The following CSMD1 variants were observed in gnomAD, a reference collection of about 807,000 sequenced individuals.
CSMD1 encodes the protein CUB and Sushi multiple domains 1, also known as CUB and sushi domain-containing protein 1.
Under a neutral mutation model 417.5 loss-of-function variants are expected in CSMD1, and 213 were observed. The observed-to-expected ratio is 0.51, with a 90% CI of 0.46 to 0.57. The LOEUF (loss-of-function observed/expected upper bound fraction) is 0.57. Among genes scored for constraint, CSMD1 ranks in the 20% least tolerant of loss-of-function variants. The pLI is 0.00. For missense variants in CSMD1, 6,923 were observed against 4,529.7 expected, an observed-to-expected ratio of 1.53 and a Z score of -15.17; for synonymous variants, 2,862 against 1,736.8, an observed-to-expected ratio of 1.65 and a Z score of -16.11.
chr8:4,202,538 T>G (rs542691098), intron 3 of CSMD1, among the ~76,000 whole-genome samples: 1 of 152,210 alleles, frequency 6.6e-6, no homozygotes, highest in African/African-American at 2.4e-5. Context: ...AAACTCTATT[T>G]GTCAGGACAT....
intron 1 of CSMD1, among the ~76,000 whole-genome samples, chr8:4,725,540 C>T (rs977944192): frequency 6.6e-6 from 1 of 152,118 alleles, no homozygotes; most frequent in Non-Finnish European, 1.5e-5. Context: ...GAACTCCATT[C>T]CAGGATATTT....
intron 12 of CSMD1, among the ~76,000 whole-genome samples, chr8:3,449,072 G>T (rs1585180645): frequency 6.6e-6 from 1 of 151,570 alleles, no homozygotes; most frequent in South Asian, 2.1e-4. Context: ...ATGAAAACTT[G>T]TTGCCTGTCT....
At chr8:4,263,982 GACA>G (rs1217719017) in intron 3 of CSMD1, among the ~76,000 whole-genome samples, 5 of 152,126 alleles carry the variant, frequency 3.3e-5, no homozygotes, top group Admixed American at 3.3e-4. Flanking sequence ...AGCCTCAGGA[GACA>G]ACATGTCTTA....
chr8:4,192,762 A>T (rs968535552), intron 3 of CSMD1, among the ~76,000 whole-genome samples: 1 of 152,130 alleles, frequency 6.6e-6, no homozygotes, highest in East Asian at 1.9e-4. Flanking sequence ...TATCATTTCC[A>T]TTTTCAAGAA....
chr8:3,823,934 G>T (rs920070183), intron 5 of CSMD1, among the ~76,000 whole-genome samples: 5 of 152,050 alleles, frequency 3.3e-5, no homozygotes, highest in Middle Eastern at 3.4e-3. Flanking sequence ...TACATCTCTG[G>T]TAATTTTATA....
intron 1 of CSMD1, among the ~76,000 whole-genome samples, chr8:4,939,994 T>C (rs1468611873): frequency 6.6e-6 from 1 of 152,134 alleles, no homozygotes; most frequent in African/African-American, 2.4e-5. Context: ...AGTAGGGTTA[T>C]TGGGAAGATT....
chr8:3,198,778 A>T (rs1276607854), intron 33 of CSMD1, among the ~76,000 whole-genome samples: 2 of 152,218 alleles, frequency 1.3e-5, no homozygotes, highest in African/African-American at 4.8e-5. Flanking sequence ...ACGTAATAGT[A>T]TCAATAATGT....
intron 10 of CSMD1, among the ~76,000 whole-genome samples, chr8:3,520,925 G>A (rs1199280279): frequency 6.6e-6 from 1 of 152,062 alleles, no homozygotes; most frequent in Non-Finnish European, 1.5e-5. Context: ...CAACATTTGG[G>A]ATGATTGTTG....
chr8:4,610,887 G>C (rs1428888639), intron 2 of CSMD1, among the ~76,000 whole-genome samples: 1 of 152,150 alleles, frequency 6.6e-6, no homozygotes, highest in African/African-American at 2.4e-5. Flanking sequence ...TCATTTTAAT[G>C]ACATTTAATT....
At chr8:4,374,400 G>C (rs1054927120) in intron 3 of CSMD1, among the ~76,000 whole-genome samples, 1 of 152,134 alleles carries the variant, frequency 6.6e-6, no homozygotes, top group African/African-American at 2.4e-5. Flanking sequence ...GAAAGTCATA[G>C]GGGCTGAAGG....
chr8:3,768,812 A>G (rs983571811), intron 5 of CSMD1, among the ~76,000 whole-genome samples: 2 of 152,236 alleles, frequency 1.3e-5, no homozygotes, highest in East Asian at 3.9e-4. Flanking sequence ...GTAACTTGCT[A>G]ATCCATTACT....
chr8:4,795,384 G>A (rs916483652), intron 1 of CSMD1, among the ~76,000 whole-genome samples: 33 of 143,386 alleles, frequency 2.3e-4, no homozygotes, highest in African/African-American at 8.0e-4. Context: ...CAATTCTCCT[G>A]CCTCAGCCTT....
intron 3 of CSMD1, among the ~76,000 whole-genome samples, chr8:4,043,858 G>C (rs1018875971): frequency 1.3e-5 from 2 of 152,068 alleles, no homozygotes; most frequent in Non-Finnish European, 2.9e-5. Flanking sequence ...AAAATGATGA[G>C]ACACAGAGAG....
chr8:4,060,708 T>C (rs149316009), intron 3 of CSMD1, among the ~76,000 whole-genome samples: 1 of 152,106 alleles, frequency 6.6e-6, no homozygotes, highest in Non-Finnish European at 1.5e-5. Flanking sequence ...CTCCTCCACA[T>C]GGGAATTTTA....
At chr8:4,362,086 G>C (rs963980074) in intron 3 of CSMD1, among the ~76,000 whole-genome samples, 6 of 152,024 alleles carry the variant, frequency 3.9e-5, no homozygotes, top group African/African-American at 1.4e-4. Context: ...TAATTTAATT[G>C]ATATACAAAT....
rs142883801 is a variant in CSMD1, at chr8:3,819,005, T to C, written c.819-64963A>G. Reference sequence around the variant, plus strand: ...AGGGGAAAAGCTGACATCAATGATTTATCACTCTCTTTTGACATCCAGATT... The same window carrying C: ...AGGGGAAAAGCTGACATCAATGATTCATCACTCTCTTTTGACATCCAGATT... On this transcript the variant is annotated intron_variant, in intron 5 of 69. Coordinates refer to ENST00000635120, the MANE Select transcript of CSMD1 (RefSeq NM_033225.6). Among the ~76,000 whole-genome samples the C allele has an allele frequency of 4.3e-4, 66 of 152,328 alleles. 1 individual carries two copies. Among genetic ancestry groups the C allele is most frequent in the Middle Eastern group, 6.8e-3 (2 of 294 alleles).
At chr8:3,238,539 G>A in intron 26 of CSMD1, among the ~76,000 whole-genome samples, 1 of 152,128 alleles carries the variant, frequency 6.6e-6, no homozygotes, top group Non-Finnish European at 1.5e-5. Context: ...GAGACTACGG[G>A]CAGCATGGGA....
At chr8:3,754,311 G>C (rs554465043) in intron 5 of CSMD1, among the ~76,000 whole-genome samples, 19 of 152,136 alleles carry the variant, frequency 1.2e-4, no homozygotes, top group South Asian at 1.0e-3. Flanking sequence ...TGCAGGAGGA[G>C]GTATTCTTTT....
chr8:4,675,423 T>A (rs1034505139), intron 1 of CSMD1, among the ~76,000 whole-genome samples: 8 of 152,206 alleles, frequency 5.3e-5, no homozygotes, highest in African/African-American at 1.9e-4. Flanking sequence ...GTTTTTGTCA[T>A]ATTTAACTTT....
Sources: gnomAD v4.1 joint callset for allele counts (sites outside exome capture counted in the v4.1 genomes callset) on GRCh38, gnomAD v4.1.1 for gene constraint, MANE v1.5 for transcripts, NCBI Gene and HGNC (gene_info 2026-07-23, HGNC 2026-07-21) for gene names.